The following LRP5 variants were observed in gnomAD, a reference collection of about 807,000 sequenced individuals.
The protein encoded by LRP5 is LDL receptor related protein 5.
A neutral mutation model predicts 154.1 loss-of-function variants in LRP5; 62 were observed. The ratio of observed to expected loss-of-function variants is 0.40; its 90% CI spans 0.33 to 0.50. The LOEUF is 0.50. LRP5 is among the 20% of genes least tolerant of loss of function. LRP5 has a pLI of 0.55. For missense variants in LRP5, 1,915 were observed against 2,336.7 expected (o/e 0.82, Z 3.72); for synonymous variants, 966 against 1,011.5 (o/e 0.96, Z 0.85).
At chr11:68,319,830 A>G (rs1471211866) in intron 1 of LRP5, among the ~76,000 whole-genome samples, 1 of 152,138 alleles carries the variant, frequency 6.6e-6, no homozygotes, top group Non-Finnish European at 1.5e-5. Context: ...TATAGGATAC[A>G]TTCCTAGTCA....
chr11:68,319,255 A>T (rs1307693101), intron 1 of LRP5, among the ~76,000 whole-genome samples: 1 of 151,734 alleles, frequency 6.6e-6, no homozygotes, highest in Non-Finnish European at 1.5e-5. Context: ...TTTAGTAGAG[A>T]CAGGGTTTTG....
intron 8 of LRP5, chr11:68,403,969 G>A (rs1012493356): frequency 2.4e-5 from 13 of 550,624 alleles, no homozygotes; most frequent in East Asian, 6.2e-5. Flanking sequence ...GGCCCTGGCC[G>A]GGAGCCTTCG....
At chr11:68,328,011 A>T (rs1393855924) in intron 1 of LRP5, among the ~76,000 whole-genome samples, 2 of 152,196 alleles carry the variant, frequency 1.3e-5, no homozygotes, top group Admixed American at 1.3e-4. Context: ...TCCCAAACCC[A>T]CATGCATATT....
intron 2 of LRP5, among the ~76,000 whole-genome samples, chr11:68,355,097 A>C (rs931184069): frequency 3.3e-5 from 5 of 152,194 alleles, no homozygotes; most frequent in Admixed American, 6.5e-5. Flanking sequence ...TCAAGGAAGC[A>C]TGGCCCCCTG....
chr11:68,370,781 G>A (rs926581677), intron 5 of LRP5, among the ~76,000 whole-genome samples: 2 of 152,224 alleles, frequency 1.3e-5, no homozygotes, highest in Non-Finnish European at 2.9e-5. Flanking sequence ...CCCTGCTTGG[G>A]CGAGACTCTG....
intron 20 of LRP5, 93 bp from the exon 21 acceptor site, chr11:68,439,684 G>T: frequency 7.5e-7 from 1 of 1,337,032 alleles, no homozygotes; most frequent in Non-Finnish European, 1.0e-6. Context: ...TGAGTCTCGT[G>T]GGTAGTGGGA....
At chr11:68,308,703 T>C (rs2098585508), upstream of LRP5, among the ~76,000 whole-genome samples, 1 of 152,204 alleles carries the variant, frequency 6.6e-6, no homozygotes, top group Admixed American at 6.5e-5. Flanking sequence ...CCCTGGGACC[T>C]TGCAGTAGTG....
chr11:68,344,859 T>C (rs1281349237), intron 1 of LRP5, among the ~76,000 whole-genome samples: 1 of 117,324 alleles, frequency 8.5e-6, no homozygotes, highest in African/African-American at 4.0e-5. Flanking sequence ...CTTTTTTTTT[T>C]TTTTTTTTTT....
At chr11:68,359,253 G>A (rs2098625689) in intron 3 of LRP5, among the ~76,000 whole-genome samples, 1 of 152,144 alleles carries the variant, frequency 6.6e-6, no homozygotes, top group Admixed American at 6.5e-5. Context: ...GTGAGGCCGG[G>A]ACATCCACTT....
chr11:68,449,174 A>G lies in LRP5; in HGVS notation c.*104A>G, dbSNP rs116937625. The stretch of plus-strand genomic sequence containing the variant: ...GATTTAAAAAATAAATATAATTGGG[A>G]TTTTAAAAACATGAGAAATGTGAAC... On this transcript the variant is annotated 3_prime_UTR_variant, in exon 23 of 23. Coordinates refer to ENST00000294304, the MANE Select transcript of LRP5 (RefSeq NM_002335.4). 1.1e-4 allele frequency: 85 copies of G among 789,934 alleles called. No homozygotes were observed. The highest frequency in any genetic ancestry group is 1.4e-4 in the Non-Finnish European group (82 of 569,160). The allele number at this position is 789,934 out of a possible 1,614,324, so 48.9% of individuals were successfully genotyped here.
chr11:68,312,131 A>G (rs1260495037), upstream of LRP5, among the ~76,000 whole-genome samples: 1 of 152,234 alleles, frequency 6.6e-6, no homozygotes, highest in Non-Finnish European at 1.5e-5. Context: ...GTAAAACCTC[A>G]AACCCACCTC....
chr11:68,380,208 G>A (rs185516835), intron 5 of LRP5, among the ~76,000 whole-genome samples: 1 of 152,248 alleles, frequency 6.6e-6, no homozygotes. Flanking sequence ...ATCTAGTTGG[G>A]ACAGGCCATG....
Position 68,436,919 on chromosome 11 carries a change from C to T in LRP5, c.4031C>T (p.Ala1344Val), listed in dbSNP as rs2098675322. 5 of 1,613,768 alleles carry T rather than the reference C, an allele frequency of 3.1e-6. No individual in the cohort carries two copies. Among genetic ancestry groups the T allele is most frequent in the South Asian group, 1.1e-5 (1 of 91,084 alleles). The change falls in exon 19 of 23, where the codon GCG becomes GTG. Residue 1344 changes from alanine to valine, a missense_variant. Coordinates refer to ENST00000294304, the MANE Select transcript of LRP5 (RefSeq NM_002335.4). ...AICLPNQFRCASGQCVLIKQQ... is the reference protein window; with the variant it reads ...AICLPNQFRCVSGQCVLIKQQ... Reference sequence around the variant, plus strand: ...TGCCTGCCCAACCAGTTCCGGTGTGCGAGCGGCCAGTGTGTCCTCATCAAA... The same window carrying T: ...TGCCTGCCCAACCAGTTCCGGTGTGTGAGCGGCCAGTGTGTCCTCATCAAA...
intron 1 of LRP5, among the ~76,000 whole-genome samples, chr11:68,332,674 G>A (rs928991602): frequency 2.0e-5 from 3 of 152,216 alleles, no homozygotes; most frequent in Non-Finnish European, 2.9e-5. Context: ...TGGAGTCTAC[G>A]GGAGACTTGG....
At chr11:68,312,575 C>T (rs2098588911), upstream of LRP5, 1 of 197,022 alleles carries the variant, frequency 5.1e-6, no homozygotes, top group Non-Finnish European at 9.0e-6. Flanking sequence ...CCCGCGCGCC[C>T]AGCTCCCTCC....
chr11:68,425,355 A>T, intron 15 of LRP5, 63 bp downstream of exon 15: 1 of 1,505,720 alleles, frequency 6.6e-7, no homozygotes, highest in Non-Finnish European at 9.0e-7. Context: ...TAATGGCAGC[A>T]GCTGCCACAT....
intron 1 of LRP5, among the ~76,000 whole-genome samples, chr11:68,326,542 C>A (rs937872878): frequency 6.6e-6 from 1 of 152,216 alleles, no homozygotes; most frequent in Non-Finnish European, 1.5e-5. Context: ...GTGCCTTTGC[C>A]CCGCTCTGAC....
At chr11:68,364,272 T>C (rs2098629668) in intron 4 of LRP5, among the ~76,000 whole-genome samples, 2 of 151,074 alleles carry the variant, frequency 1.3e-5, no homozygotes, top group African/African-American at 4.9e-5. Flanking sequence ...CCAGAAGAAG[T>C]TGTCTGTGTG....
chr11:68,362,555 G>A (rs1476233782), intron 3 of LRP5, among the ~76,000 whole-genome samples: 1 of 152,066 alleles, frequency 6.6e-6, no homozygotes, highest in Non-Finnish European at 1.5e-5. Flanking sequence ...GCTGGGTGTG[G>A]TGGTGCACGC....
Sources: gnomAD v4.1 joint callset for allele counts (sites outside exome capture counted in the v4.1 genomes callset) on GRCh38, gnomAD v4.1.1 for gene constraint, MANE v1.5 for transcripts, NCBI Gene and HGNC (gene_info 2026-07-23, HGNC 2026-07-21) for gene names.